WWOX: variants seen among roughly 807,000 people sequenced by gnomAD.
WWOX encodes the protein WW domain containing oxidoreductase, also known as WW domain-containing oxidoreductase.
WWOX carries 69 observed loss-of-function variants against 46.2 expected under a neutral mutation model. That is an observed-to-expected ratio of 1.49 (90% CI 1.23 to 1.82). The LOEUF (loss-of-function observed/expected upper bound fraction) is 1.82. WWOX is among the 40% of genes most tolerant of loss of function. The pLI is 0.00. For missense variants in WWOX, 919 were observed against 542.6 expected (o/e 1.69, Z -6.89); for synonymous variants, 359 against 202.6 (o/e 1.77, Z -6.56).
At chr16:78,938,246 T>C (rs1174361468) in intron 8 of WWOX, among the ~76,000 whole-genome samples, 1 of 151,830 alleles carries the variant, frequency 6.6e-6, no homozygotes, top group Non-Finnish European at 1.5e-5. Context: ...GAACTAGAGG[T>C]GAGGTGGGGA....
intron 8 of WWOX, among the ~76,000 whole-genome samples, chr16:78,775,529 G>A (rs1437630698): frequency 2.0e-5 from 3 of 152,102 alleles, no homozygotes; most frequent in Non-Finnish European, 2.9e-5. Flanking sequence ...GGGTATCAAG[G>A]GAGAGTATGG....
At chr16:78,549,208 G>A (rs1249919349) in intron 8 of WWOX, among the ~76,000 whole-genome samples, 1 of 152,142 alleles carries the variant, frequency 6.6e-6, no homozygotes. Context: ...AGAATCAAAG[G>A]CAGAATTAAA....
At chr16:78,435,017 G>C (rs79376150) in intron 8 of WWOX, among the ~76,000 whole-genome samples, 1 of 152,214 alleles carries the variant, frequency 6.6e-6, no homozygotes, top group South Asian at 2.1e-4. Flanking sequence ...AGTCAGACTT[G>C]AAAGTTGGCT....
chr16:79,161,663 C>T (rs1009753595), intron 8 of WWOX, among the ~76,000 whole-genome samples: 3 of 152,086 alleles, frequency 2.0e-5, no homozygotes, highest in South Asian at 2.1e-4. Context: ...GCTGGGATTA[C>T]ACCCACCACC....
At chr16:78,905,616 C>T (rs535201695) in intron 8 of WWOX, among the ~76,000 whole-genome samples, 8 of 152,210 alleles carry the variant, frequency 5.3e-5, no homozygotes, top group East Asian at 1.9e-4. Context: ...CCGAGATGCA[C>T]GTGAATCTCC....
At chr16:78,903,302 C>G (rs533760776) in intron 8 of WWOX, among the ~76,000 whole-genome samples, 4 of 152,230 alleles carry the variant, frequency 2.6e-5, no homozygotes, top group Admixed American at 2.0e-4. Flanking sequence ...CACTCCTATG[C>G]AAACATCTGA....
At chr16:78,699,399 C>T (rs189078569) in intron 8 of WWOX, among the ~76,000 whole-genome samples, 3 of 151,214 alleles carry the variant, frequency 2.0e-5, no homozygotes, top group Non-Finnish European at 2.9e-5. Flanking sequence ...ATTAGCCAGG[C>T]GTGGTAGCTT....
At chr16:79,071,535 G>C (rs1048839473) in intron 8 of WWOX, among the ~76,000 whole-genome samples, 1 of 152,120 alleles carries the variant, frequency 6.6e-6, no homozygotes, top group Admixed American at 6.5e-5. Context: ...TCCTTGTCTA[G>C]GAGAGCTGTT....
chr16:78,918,975 A>G (rs2045314642), intron 8 of WWOX, among the ~76,000 whole-genome samples: 1 of 152,162 alleles, frequency 6.6e-6, no homozygotes, highest in Non-Finnish European at 1.5e-5. Flanking sequence ...CCCAGGGCAG[A>G]AAAAAGAACT....
chr16:78,672,062 T>A (rs1351389048), intron 8 of WWOX, among the ~76,000 whole-genome samples: 2 of 152,198 alleles, frequency 1.3e-5, no homozygotes, highest in African/African-American at 4.8e-5. Flanking sequence ...GGATCATGAT[T>A]AAAAAGCATT....
At chr16:78,706,922 C>G (rs1170551428) in intron 8 of WWOX, among the ~76,000 whole-genome samples, 1 of 152,160 alleles carries the variant, frequency 6.6e-6, no homozygotes, top group East Asian at 1.9e-4. Flanking sequence ...CTCGGCCTCC[C>G]AAAGTATTAG....
At chr16:78,389,186 A>G (rs2082125033) in intron 6 of WWOX, among the ~76,000 whole-genome samples, 1 of 152,198 alleles carries the variant, frequency 6.6e-6, no homozygotes, top group African/African-American at 2.4e-5. Context: ...GGCTGTTAGT[A>G]GCTTCCACCC....
At chr16:78,830,044 G>A (rs79096053) in intron 8 of WWOX, among the ~76,000 whole-genome samples, 26,427 of 152,028 alleles carry the variant, frequency 0.17, 2,457 homozygotes, top group Non-Finnish European at 0.21. Flanking sequence ...GATCACTAGA[G>A]GTCAGGAGTT....
At chr16:79,059,000 C>G (rs9972759) in intron 8 of WWOX, among the ~76,000 whole-genome samples, 65,831 of 151,910 alleles carry the variant, frequency 0.43, 15,605 homozygotes, top group Non-Finnish European at 0.53. Flanking sequence ...GACTATTATA[C>G]AGATTTATGG....
intron 8 of WWOX, among the ~76,000 whole-genome samples, chr16:78,510,084 T>C (rs2085323968): frequency 6.6e-6 from 1 of 152,100 alleles, no homozygotes; most frequent in African/African-American, 2.4e-5. Context: ...TCTGTCTGTC[T>C]GTCTGTCTGT....
intron 5 of WWOX, among the ~76,000 whole-genome samples, chr16:78,319,823 C>A (rs115551992): frequency 0.011 from 1,741 of 152,256 alleles, 27 homozygotes; most frequent in African/African-American, 0.039. Flanking sequence ...TTTCTTTCAG[C>A]CTGTGAGGAA....
At chr16:78,580,259 A>G (rs1597299704) in intron 8 of WWOX, among the ~76,000 whole-genome samples, 2 of 151,958 alleles carry the variant, frequency 1.3e-5, no homozygotes, top group East Asian at 3.9e-4. Flanking sequence ...TTTTTAGTAG[A>G]GATGGGGTCT....
At chr16:78,217,061 AT>A (rs1278907583) in intron 5 of WWOX, among the ~76,000 whole-genome samples, 1 of 152,070 alleles carries the variant, frequency 6.6e-6, no homozygotes, top group Non-Finnish European at 1.5e-5. Context: ...AACAACCTTA[AT>A]TTCACCGGTA....
At chr16:78,938,756 G>A (rs1447302437) in intron 8 of WWOX, among the ~76,000 whole-genome samples, 1 of 152,134 alleles carries the variant, frequency 6.6e-6, no homozygotes, top group African/African-American at 2.4e-5. Flanking sequence ...CAAGATACAG[G>A]AGAGAAGTGA....
Sources: gnomAD v4.1 joint callset for allele counts (sites outside exome capture counted in the v4.1 genomes callset) on GRCh38, gnomAD v4.1.1 for gene constraint, MANE v1.5 for transcripts, NCBI Gene and HGNC (gene_info 2026-07-23, HGNC 2026-07-21) for gene names.